Variants in PPFIA2 observed in about 807,000 individuals in gnomAD.
The protein encoded by PPFIA2 is liprin-alpha-2.
Under a neutral mutation model 175.5 loss-of-function variants are expected in PPFIA2, and 46 were observed. That is an observed-to-expected ratio of 0.26 (90% CI 0.21 to 0.34). The LOEUF is 0.34. Ranked by LOEUF, PPFIA2 falls within the 10% of genes least tolerant of loss-of-function variation. The probability of loss-of-function intolerance (pLI) is 1.00; values close to 1 mark genes in which losing one functional copy is unlikely to be tolerated. For missense variants in PPFIA2, 1,179 were observed against 1,506.1 expected, an observed-to-expected ratio of 0.78 and a Z score of 3.60; for synonymous variants, 568 against 511.4, an observed-to-expected ratio of 1.11 and a Z score of -1.49.
At position 81,413,196 on chromosome 12, in the gene PPFIA2, A is replaced by T. The variant is rs545467854; in HGVS notation, c.646-7293T>A. On this transcript the variant is annotated intron_variant, in intron 7 of 32. Transcript: ENST00000549396. Reference sequence around the variant, plus strand: ...TCATTACTTATTCTCAGTTCTTAGGACACTGACTGACAAACAGGAGGCACT... The same window carrying T: ...TCATTACTTATTCTCAGTTCTTAGGTCACTGACTGACAAACAGGAGGCACT... Among the ~76,000 whole-genome samples the T allele has an allele frequency of 1.6e-4, 25 of 151,910 alleles. 1 individual carries two copies. Among genetic ancestry groups the T allele is most frequent in the South Asian group, 4.1e-4 (2 of 4,824 alleles).
chr12:81,280,944 A>C (rs889914617), intron 27 of PPFIA2, among the ~76,000 whole-genome samples: 3 of 152,108 alleles, frequency 2.0e-5, no homozygotes, highest in African/African-American at 7.2e-5. Context: ...ATATAAACAC[A>C]TATAACTATA....
chr12:81,409,536 C>T (rs2043534298), intron 7 of PPFIA2, among the ~76,000 whole-genome samples: 1 of 152,030 alleles, frequency 6.6e-6, no homozygotes, highest in Non-Finnish European at 1.5e-5. Context: ...GCTTTTATGC[C>T]CTTCCATCCC....
chr12:81,625,436 A>G (rs1595744300), intron 4 of PPFIA2, among the ~76,000 whole-genome samples: 1 of 152,096 alleles, frequency 6.6e-6, no homozygotes, highest in Middle Eastern at 3.4e-3. Flanking sequence ...ATCAAACCAC[A>G]TATAATAAAT....
intron 4 of PPFIA2, among the ~76,000 whole-genome samples, chr12:81,555,634 TGACAAAGCACAAAAAA>T (rs1430947145): frequency 6.6e-6 from 1 of 151,996 alleles, no homozygotes; most frequent in Non-Finnish European, 1.5e-5. Flanking sequence ...CCATTTGGGA[TGACAAAGCACAAAAAA>T]TTACAATTTC....
intron 4 of PPFIA2, among the ~76,000 whole-genome samples, chr12:81,584,795 A>T (rs1001427422): frequency 2.2e-5 from 3 of 133,564 alleles, no homozygotes; most frequent in Non-Finnish European, 4.6e-5. Context: ...CATTATATAT[A>T]ATATATATAT....
chr12:81,500,024 C>T (rs2060429543), intron 4 of PPFIA2, among the ~76,000 whole-genome samples: 1 of 152,066 alleles, frequency 6.6e-6, no homozygotes, highest in South Asian at 2.1e-4. Context: ...ACTACTTCAG[C>T]CACCTCAACT....
chr12:81,729,319 A>C (rs570370241), intron 3 of PPFIA2, among the ~76,000 whole-genome samples: 35 of 151,640 alleles, frequency 2.3e-4, no homozygotes, highest in Non-Finnish European at 3.3e-4. Flanking sequence ...AAATGATAAA[A>C]CATTCAAGAA....
intron 4 of PPFIA2, among the ~76,000 whole-genome samples, chr12:81,658,268 C>CAAAAAA (rs1318255722): frequency 7.0e-5 from 8 of 114,482 alleles, no homozygotes; most frequent in East Asian, 2.4e-4. Context: ...AACTCCATCT[C>CAAAAAA]AAAAAAAAAA....
chr12:81,464,739 T>A (rs1323333155), intron 4 of PPFIA2, among the ~76,000 whole-genome samples: 2 of 152,112 alleles, frequency 1.3e-5, no homozygotes, highest in Non-Finnish European at 2.9e-5. Flanking sequence ...TTTCCTCTTG[T>A]TTTTAACGTA....
chr12:81,347,826 T>C (rs2059323913), intron 17 of PPFIA2, 56 bp from the exon 18 acceptor site: 3 of 1,587,064 alleles, frequency 1.9e-6, no homozygotes, highest in South Asian at 2.3e-5. Flanking sequence ...ATCCATTATA[T>C]GCTGCTGTAA....
Position 81,259,460 on chromosome 12 carries a change from C to T in PPFIA2, c.*234G>A. ...TATGATGTAGATGATGTTTATTATT[C>T]AAATGACTTAAGCATTTTATTACAA... On this transcript the variant is annotated 3_prime_UTR_variant, in exon 33 of 33. Coordinates refer to ENST00000549396, the MANE Select transcript of PPFIA2 (RefSeq NM_003625.5). 3.0e-6 allele frequency: 2 copies of T among 670,072 alleles called. No individual in the cohort carries two copies. The highest frequency in any genetic ancestry group is 3.3e-5 in the South Asian group (2 of 60,272). The allele number at this position is 670,072 out of a possible 1,614,324, so 41.5% of individuals were successfully genotyped here. A position where few individuals can be genotyped will look rare whatever the true frequency, so the allele number is the denominator to read the frequency against.
chr12:81,696,976 AG>A (rs2075969315), intron 3 of PPFIA2, among the ~76,000 whole-genome samples: 1 of 151,958 alleles, frequency 6.6e-6, no homozygotes, highest in South Asian at 2.1e-4. Context: ...TGACATGTGA[AG>A]TTAGAGAATA....
intron 27 of PPFIA2, among the ~76,000 whole-genome samples, chr12:81,277,818 A>T (rs1316316123): frequency 6.6e-6 from 1 of 152,184 alleles, no homozygotes; most frequent in African/African-American, 2.4e-5. Context: ...TCTTAAGCTG[A>T]TGAGAAAAAT....
intron 1 of PPFIA2, 45 bp downstream of exon 1, chr12:81,759,235 T>G (rs1323623576): frequency 1.5e-5 from 2 of 136,052 alleles, no homozygotes; most frequent in Non-Finnish European, 3.1e-5. Context: ...CTCCCGGCCT[T>G]TCTGCAAGCC....
intron 27 of PPFIA2, among the ~76,000 whole-genome samples, chr12:81,278,555 A>AAC (rs3994915): frequency 6.6e-6 from 1 of 151,252 alleles, no homozygotes; most frequent in Non-Finnish European, 1.5e-5. Context: ...AAAAAAAAAA[A>AAC]GTTTTCTGTT....
At chr12:81,636,811 C>A (rs994623266) in intron 4 of PPFIA2, among the ~76,000 whole-genome samples, 9 of 151,788 alleles carry the variant, frequency 5.9e-5, no homozygotes, top group Non-Finnish European at 1.0e-4. Context: ...TACCACCACG[C>A]CCAAGTAAAT....
intron 4 of PPFIA2, among the ~76,000 whole-genome samples, chr12:81,615,110 T>G (rs2061319528): frequency 6.6e-6 from 1 of 152,222 alleles, no homozygotes; most frequent in African/African-American, 2.4e-5. Flanking sequence ...TTTAATTTTA[T>G]GTAATTGTTC....
At chr12:81,368,941 T>C in intron 12 of PPFIA2, 85 bp from the exon 13 acceptor site, 1 of 1,443,874 alleles carries the variant, frequency 6.9e-7, no homozygotes, top group East Asian at 2.3e-5. Flanking sequence ...AAATTGAATT[T>C]AATTTTACAT....
At chr12:81,479,588 C>A (rs569326426) in intron 4 of PPFIA2, among the ~76,000 whole-genome samples, 1 of 152,070 alleles carries the variant, frequency 6.6e-6, no homozygotes, top group Non-Finnish European at 1.5e-5. Context: ...ATATTTAGTG[C>A]TTCCTTCAGG....
Sources: gnomAD v4.1 joint callset for allele counts (sites outside exome capture counted in the v4.1 genomes callset) on GRCh38, gnomAD v4.1.1 for gene constraint, MANE v1.5 for transcripts, NCBI Gene and HGNC (gene_info 2026-07-23, HGNC 2026-07-21) for gene names.